NRG2: variants seen among roughly 807,000 people sequenced by gnomAD.
NRG2 encodes the protein pro-neuregulin-2, membrane-bound isoform.
NRG2 carries 27 observed loss-of-function variants against 73.9 expected under a neutral mutation model. The ratio of observed to expected loss-of-function variants is 0.37; its 90% CI spans 0.27 to 0.50. The LOEUF is 0.50. NRG2 is among the 20% of genes least tolerant of loss of function. The pLI is 0.96. For synonymous variants in NRG2, 532 were observed against 541.0 expected (o/e 0.98, Z 0.23); for missense variants, 1,126 against 1,210.1 (o/e 0.93, Z 1.03).
chr5:139,955,251 G>C (rs1754529794), intron 1 of NRG2, among the ~76,000 whole-genome samples: 1 of 152,178 alleles, frequency 6.6e-6, no homozygotes, highest in Admixed American at 6.5e-5. Flanking sequence ...GGACAGGAGG[G>C]CTTCTCAGAG....
Position 140,042,902 on chromosome 5 carries a change from G to T in NRG2, c.168C>A (p.Ile56=). 2.0e-6 allele frequency: 3 copies of T among 1,528,148 alleles called. No individual in the cohort carries two copies. Among genetic ancestry groups the T allele is most frequent in the Non-Finnish European group, 2.6e-6 (3 of 1,138,062 alleles). The allele number at this position is 1,528,148 out of a possible 1,614,324, so 94.7% of individuals were successfully genotyped here. Residue 56 remains isoleucine, a synonymous_variant, in exon 1 of 10, where the codon ATC becomes ATA. Transcript: ENST00000361474. ...GCTCTGGGGGCGCAGCGGGACGAGAGATGCTGCTGTTGTTGCTGCTGCTCC... is the reference window on the plus strand; with the variant it reads ...GCTCTGGGGGCGCAGCGGGACGAGATATGCTGCTGTTGTTGCTGCTGCTCC... ...SSRSSSNNSS[I]SRPAAPPEPR... is the part of the protein sequence containing the mutation.
At chr5:139,972,638 C>T (rs1010202778) in intron 1 of NRG2, among the ~76,000 whole-genome samples, 2 of 152,124 alleles carry the variant, frequency 1.3e-5, no homozygotes, top group Non-Finnish European at 2.9e-5. Flanking sequence ...GCAGGAAAAT[C>T]GCTCGAACCC....
chr5:139,878,396 C>G (rs1481904252), intron 3 of NRG2, among the ~76,000 whole-genome samples: 1 of 152,210 alleles, frequency 6.6e-6, no homozygotes, highest in Non-Finnish European at 1.5e-5. Flanking sequence ...TCTCTTTTCT[C>G]CGGGTGGTGG....
Position 139,847,912 on chromosome 5 carries a change from G to A in NRG2, c.*5C>T, listed in dbSNP as rs937485361. 4 of 1,440,876 alleles carry A rather than the reference G, an allele frequency of 2.8e-6. No individual in the cohort carries two copies. Among genetic ancestry groups the A allele is most frequent in the South Asian group, 1.4e-5 (1 of 70,604 alleles). 89.3% of individuals were successfully genotyped at this position (1,440,876 alleles called of 1,614,324 possible). ...GGGCGGGGCGGAGGGGCGCGCGGCG[G>A]GGCCCTAGAGTGGCGCCGAGTCCTG... is the stretch of plus-strand genomic sequence containing the variant. On this transcript the variant is annotated 3_prime_UTR_variant, in exon 10 of 10. Coordinates refer to ENST00000361474, the MANE Select transcript of NRG2 (RefSeq NM_004883.3).
chr5:139,863,223 G>A (rs1762264068), intron 5 of NRG2, among the ~76,000 whole-genome samples: 1 of 152,246 alleles, frequency 6.6e-6, no homozygotes, highest in Non-Finnish European at 1.5e-5. Context: ...AGTAAGCTCA[G>A]CAGCTGGCAT....
intron 6 of NRG2, among the ~76,000 whole-genome samples, chr5:139,855,005 T>C (rs1205358139): frequency 6.6e-6 from 1 of 152,148 alleles, no homozygotes; most frequent in Non-Finnish European, 1.5e-5. Context: ...GGGAGTACAG[T>C]TGACCCTCAT....
chr5:140,011,637 G>A (rs568993405), intron 1 of NRG2, among the ~76,000 whole-genome samples: 1 of 152,234 alleles, frequency 6.6e-6, no homozygotes, highest in African/African-American at 2.4e-5. Flanking sequence ...AACAGCCATC[G>A]AGGACCTGAA....
intron 1 of NRG2, among the ~76,000 whole-genome samples, chr5:139,977,114 T>C (rs1323437958): frequency 1.3e-5 from 2 of 152,244 alleles, no homozygotes; most frequent in Admixed American, 6.5e-5. Context: ...TTCATAATAC[T>C]ACATTAATAT....
In NRG2 at chr5:140,042,597, A is replaced by G. The variant is rs767719820; in HGVS notation, c.473T>C (p.Val158Ala). Residue 158 changes from valine to alanine, a missense_variant, in exon 1 of 10, where the codon GTG becomes GCG. Physicochemically the swap from Val to Ala is moderately conservative, Grantham distance 64. Coordinates refer to ENST00000361474, the MANE Select transcript of NRG2 (RefSeq NM_004883.3). ...CTTGTCCAGCACCTTTACCAACGCC[A>G]CCCGACCCGAGGCGGGCGGCTCTCG... is the stretch of plus-strand genomic sequence containing the variant. ...STREPPASGR[V>A]ALVKVLDKWP... is the part of the protein sequence containing the mutation. 2 of 1,611,628 alleles carry G rather than the reference A, an allele frequency of 1.2e-6. No individual in the cohort carries two copies. The highest frequency in any genetic ancestry group is 2.2e-5 in the South Asian group (2 of 90,984).
chr5:139,888,319 A>G (rs1764004262), intron 1 of NRG2, among the ~76,000 whole-genome samples: 1 of 152,198 alleles, frequency 6.6e-6, no homozygotes, highest in African/African-American at 2.4e-5. Flanking sequence ...GGTGCAGATG[A>G]GACTCAGAGA....
At chr5:140,006,981 G>A (rs556716277) in intron 1 of NRG2, among the ~76,000 whole-genome samples, 34 of 152,278 alleles carry the variant, frequency 2.2e-4, no homozygotes, top group African/African-American at 8.2e-4. Flanking sequence ...CTACATGTGT[G>A]CTGTGGTAAC....
rs1761036344 is a variant in NRG2 at position 139,846,915 on chromosome 5, G to T, written c.*1002C>A. 6.7e-6 allele frequency: 1 copy of T among 150,068 alleles called. No individual in the cohort carries two copies. Among genetic ancestry groups the T allele is most frequent in the African/African-American group, 2.5e-5 (1 of 40,672 alleles). The allele number at this position is 150,068 out of a possible 1,614,324, so 9.3% of individuals were successfully genotyped here. A position where few individuals can be genotyped will look rare whatever the true frequency, so the allele number is the denominator to read the frequency against. Reference sequence around the variant, plus strand: ...TTTTTTTTTAAACAATTACCTTTTTGACAAATTAGCAGTGGACCCAGTTTT... The same window carrying T: ...TTTTTTTTTAAACAATTACCTTTTTTACAAATTAGCAGTGGACCCAGTTTT... On this transcript the variant is annotated 3_prime_UTR_variant, in exon 10 of 10. Transcript: ENST00000361474.
chr5:139,966,845 A>C (rs1264224406), intron 1 of NRG2, among the ~76,000 whole-genome samples: 1 of 152,186 alleles, frequency 6.6e-6, no homozygotes, highest in East Asian at 1.9e-4. Context: ...AAGTGCACAG[A>C]AAAGCAAGCT....
At chr5:140,001,485 T>C (rs1395509573) in intron 1 of NRG2, among the ~76,000 whole-genome samples, 2 of 152,168 alleles carry the variant, frequency 1.3e-5, no homozygotes, top group Non-Finnish European at 1.5e-5. Flanking sequence ...TTGATAAATA[T>C]ATAGCCCAAT....
chr5:139,871,858 CAT>C lies in NRG2; in HGVS notation c.992-19_992-18del. On this transcript the variant is annotated intron_variant, in intron 3 of 9. Coordinates refer to ENST00000361474, the MANE Select transcript of NRG2 (RefSeq NM_004883.3). ...TGGTGCTCACTGAGGGTATGAGAGACATGTGCCAGTGACGCACTGAGACTATC... is the reference window on the plus strand; with the variant it reads ...TGGTGCTCACTGAGGGTATGAGAGACGTGCCAGTGACGCACTGAGACTATC... The C allele has an allele frequency of 2.5e-6, 4 of 1,612,610 alleles. No individual in the cohort carries two copies. The highest frequency in any genetic ancestry group is 1.1e-5 in the South Asian group (1 of 90,860).
At position 139,894,287 on chromosome 5, in the gene NRG2, T is replaced by C. The variant is rs1764415955; in HGVS notation, c.701-6776A>G. Among the ~76,000 whole-genome samples, 1 of 152,052 alleles carries C rather than the reference T, an allele frequency of 6.6e-6. No individual in the cohort carries two copies. On this transcript the variant is annotated intron_variant, in intron 1 of 9. Transcript: ENST00000361474. The surrounding 1 kb of genome is among the most constrained non-coding windows in gnomAD (Gnocchi z 5.0). ...CATGACTAAGGCTGAGCAGTTCCCT[T>C]TGCAGGGCAACACCTGGAGACAATG... is the stretch of plus-strand genomic sequence containing the variant.
At chr5:139,937,045 G>A (rs537497493) in intron 1 of NRG2, among the ~76,000 whole-genome samples, 23 of 152,196 alleles carry the variant, frequency 1.5e-4, no homozygotes, top group Non-Finnish European at 2.8e-4. Context: ...CAGGTGATCC[G>A]CCTGCCTTGG....
chr5:139,854,897 A>G lies in NRG2; in HGVS notation c.1292+779T>C, dbSNP rs991227463. Among the ~76,000 whole-genome samples, 6 of 152,258 alleles carry G rather than the reference A, an allele frequency of 3.9e-5. No individual in the cohort carries two copies. The South Asian group carries it at 8.3e-4, about 21-fold the overall frequency. On this transcript the variant is annotated intron_variant, in intron 6 of 9. Transcript: ENST00000361474. ...TTGCTAGCTCGGCATCCAAGGCCCTATGGTACCATCTGGGTCCCAGCTATT... is the reference window on the plus strand; with the variant it reads ...TTGCTAGCTCGGCATCCAAGGCCCTGTGGTACCATCTGGGTCCCAGCTATT...
At chr5:139,877,226 G>A (rs1763244057) in intron 3 of NRG2, among the ~76,000 whole-genome samples, 1 of 152,142 alleles carries the variant, frequency 6.6e-6, no homozygotes, top group Non-Finnish European at 1.5e-5. Flanking sequence ...CCTCCTGCCC[G>A]CCAGTTCAGG....
Sources: allele counts gnomAD v4.1 joint callset (sites outside exome capture counted in the v4.1 genomes callset), GRCh38; gene constraint gnomAD v4.1.1; non-coding constraint Gnocchi (gnomAD v3.1); transcripts MANE v1.5; gene names NCBI Gene and HGNC (gene_info 2026-07-23, HGNC 2026-07-21).